RGS12: variants seen among roughly 807,000 people sequenced by gnomAD.
The protein encoded by RGS12 is regulator of G-protein signaling 12.
In RGS12, 66 loss-of-function variants were observed where a neutral mutation model predicts 120.1. The observed-to-expected ratio is 0.55, with a 90% CI of 0.45 to 0.67. The LOEUF is 0.67. RGS12 is among the 30% of genes least tolerant of loss of function. The pLI is 0.00. For missense variants in RGS12, 1,859 were observed against 1,957.7 expected (o/e 0.95, Z 0.95); for synonymous variants, 827 against 804.7 (o/e 1.03, Z -0.47).
At chr4:3,313,440 C>T (rs927065956) in intron 1 of RGS12, among the ~76,000 whole-genome samples, 3 of 152,212 alleles carry the variant, frequency 2.0e-5, no homozygotes, top group East Asian at 1.9e-4. Context: ...TTAGTGAGAC[C>T]GTTTCACGCA....
intron 3 of RGS12, among the ~76,000 whole-genome samples, chr4:3,344,534 C>G (rs1713611668): frequency 6.6e-6 from 1 of 152,238 alleles, no homozygotes; most frequent in Admixed American, 6.5e-5. Flanking sequence ...GCTGACAGAG[C>G]TGTGCTGGTG....
At chr4:3,424,666 C>T (rs1723418560) in intron 13 of RGS12, among the ~76,000 whole-genome samples, 1 of 152,220 alleles carries the variant, frequency 6.6e-6, no homozygotes, top group Non-Finnish European at 1.5e-5. Flanking sequence ...GAGCTGCGGC[C>T]CTCGGCTGCC....
At chr4:3,404,084 A>G (rs948599451) in intron 4 of RGS12, among the ~76,000 whole-genome samples, 3 of 152,204 alleles carry the variant, frequency 2.0e-5, no homozygotes, top group Non-Finnish European at 4.4e-5. Flanking sequence ...GGGTAGCGAG[A>G]TGGCATATAG....
intron 2 of RGS12, 54 bp from the exon 3 acceptor site, chr4:3,342,883 A>G (rs1471100761): frequency 2.5e-6 from 3 of 1,209,918 alleles, no homozygotes; most frequent in Non-Finnish European, 3.7e-6. Flanking sequence ...ATTGGACAAG[A>G]CTAAACATCT....
At chr4:3,395,080 C>G (rs1435075874) in intron 4 of RGS12, among the ~76,000 whole-genome samples, 1 of 152,018 alleles carries the variant, frequency 6.6e-6, no homozygotes, top group Non-Finnish European at 1.5e-5. Context: ...GTAATCCCAG[C>G]TACTAGGGTA....
In RGS12 at chr4:3,366,980, C is replaced by T. The variant is rs900399590; in HGVS notation, c.1999-19436C>T. On this transcript the variant is annotated intron_variant, in intron 3 of 17. Coordinates refer to ENST00000336727, the MANE Select transcript of RGS12 (RefSeq NM_001394154.1). The surrounding 1 kb of genome is among the most constrained non-coding windows in gnomAD (Gnocchi z 4.0). ...CTCAGCTCCTCCCCGCCCAGAATGC[C>T]CTCTGCCCCGCCACCCCCATCATCC... 5.9e-5 allele frequency among the ~76,000 whole-genome samples: 9 copies of T among 152,342 alleles called. No individual in the cohort carries two copies. The highest frequency in any genetic ancestry group is 5.9e-4 in the Admixed American group (9 of 15,308).
In RGS12 at chr4:3,374,386, C is replaced by G. The variant is rs944139004; in HGVS notation, c.1999-12030C>G. 6.6e-6 allele frequency among the ~76,000 whole-genome samples: 1 copy of G among 152,196 alleles called. No homozygotes were observed. The highest frequency in any genetic ancestry group is 2.1e-4 in the South Asian group (1 of 4,824). ...GGCGGGGACCGGTCTCCTTCCGCCA[C>G]CACCTTCCACGACAGGCTCGATTCG... On this transcript the variant is annotated intron_variant, in intron 3 of 17. Transcript: ENST00000336727. The surrounding 1 kb of genome is among the most constrained non-coding windows in gnomAD (Gnocchi z 6.3).
chr4:3,391,202 G>A (rs960039561), intron 4 of RGS12, among the ~76,000 whole-genome samples: 2 of 152,188 alleles, frequency 1.3e-5, no homozygotes, highest in African/African-American at 2.4e-5. Context: ...GAATCACACA[G>A]TGTATTTGTA....
intron 3 of RGS12, among the ~76,000 whole-genome samples, chr4:3,375,080 C>T (rs577188142): frequency 2.5e-4 from 38 of 152,278 alleles, no homozygotes; most frequent in Admixed American, 9.2e-4. Flanking sequence ...TGCCAGACAC[C>T]GCCAAGGGGG....
upstream of RGS12, among the ~76,000 whole-genome samples, chr4:3,292,838 G>C (rs957625449): frequency 1.3e-5 from 2 of 151,932 alleles, no homozygotes; most frequent in Non-Finnish European, 2.9e-5. Flanking sequence ...CTGCTTCCCT[G>C]GCAGTCCCGT....
chr4:3,304,677 G>A lies in RGS12; in HGVS notation c.-101-11393G>A, dbSNP rs546357170. Among the ~76,000 whole-genome samples the A allele has an allele frequency of 8.9e-4, 136 of 152,344 alleles. 1 individual carries two copies. Among genetic ancestry groups the A allele is most frequent in the Non-Finnish European group, 1.6e-3 (107 of 68,028 alleles). On this transcript the variant is annotated intron_variant, in intron 1 of 17. Coordinates refer to ENST00000336727, the MANE Select transcript of RGS12 (RefSeq NM_001394154.1). ...CCATTCTGTAGAGTTTGTCTCTGGT[G>A]TATCTGGTGTGATTTCCTTAATCAC... is the stretch of plus-strand genomic sequence containing the variant.
intron 13 of RGS12, 80 bp from the exon 14 acceptor site, chr4:3,425,384 T>G: frequency 8.0e-7 from 1 of 1,243,158 alleles, no homozygotes; most frequent in South Asian, 1.2e-5. Flanking sequence ...AGGACAGTCA[T>G]GCAGTCGGGT....
At position 3,415,966 on chromosome 4, in the gene RGS12, C is replaced by T. The variant is rs1361291048; in HGVS notation, c.2284-12C>T. 6.2e-7 allele frequency: 1 copy of T among 1,601,394 alleles called. No individual in the cohort carries two copies. The highest frequency in any genetic ancestry group is 8.5e-7 in the Non-Finnish European group (1 of 1,174,246). ...AAGCCTTGCCGGGCTGCTCAGGTGC[C>T]TTTCCTGTCAGCTTTCCTACAGGGC... On this transcript the variant is annotated splice_polypyrimidine_tract_variant and intron_variant, in intron 6 of 17. Transcript: ENST00000336727.
intron 3 of RGS12, among the ~76,000 whole-genome samples, chr4:3,379,345 A>T (rs1262012828): frequency 1.3e-5 from 2 of 152,128 alleles, no homozygotes; most frequent in African/African-American, 2.4e-5. Context: ...TTGCTAAGAG[A>T]GTAAATCTTA....
At chr4:3,303,436 A>G (rs1723793178) in intron 1 of RGS12, among the ~76,000 whole-genome samples, 1 of 152,218 alleles carries the variant, frequency 6.6e-6, no homozygotes, top group Non-Finnish European at 1.5e-5. Context: ...GCTGGAGGAC[A>G]CTGGAACCAG....
chr4:3,358,445 G>A (rs940937138), intron 3 of RGS12, among the ~76,000 whole-genome samples: 9 of 152,114 alleles, frequency 5.9e-5, no homozygotes, highest in Admixed American at 2.0e-4. Context: ...TTCTCCAATG[G>A]AGATGATGTT....
chr4:3,304,041 T>C (rs552962746), intron 1 of RGS12, among the ~76,000 whole-genome samples: 10 of 152,356 alleles, frequency 6.6e-5, no homozygotes, highest in Non-Finnish European at 1.0e-4. Context: ...GGGATCTTTC[T>C]GAGACTGACA....
In RGS12 at chr4:3,374,541, T is replaced by A. The variant is rs550625038; in HGVS notation, c.1999-11875T>A. ...ATCCAGGAGGCCCCTCAGACTTAAGTACCAAACAAGACTTGGATTCTCCCC... is the reference window on the plus strand; with the variant it reads ...ATCCAGGAGGCCCCTCAGACTTAAGAACCAAACAAGACTTGGATTCTCCCC... On this transcript the variant is annotated intron_variant, in intron 3 of 17. Transcript: ENST00000336727. This position sits in a 1 kb window ranked among gnomAD's most constrained non-coding sequence, Gnocchi z 6.3. Among the ~76,000 whole-genome samples the A allele has an allele frequency of 6.6e-6, 1 of 152,056 alleles. No individual in the cohort carries two copies. The highest frequency in any genetic ancestry group is 1.9e-4 in the East Asian group (1 of 5,158).
At chr4:3,326,531 C>T (rs182717847) in intron 2 of RGS12, among the ~76,000 whole-genome samples, 26 of 152,276 alleles carry the variant, frequency 1.7e-4, no homozygotes, top group Admixed American at 4.6e-4. Context: ...TGTGAGCCAC[C>T]GCCCCTGGCT....
Sources: gnomAD v4.1 joint callset for allele counts (sites outside exome capture counted in the v4.1 genomes callset) on GRCh38, gnomAD v4.1.1 for gene constraint, Gnocchi (gnomAD v3.1) non-coding constraint, MANE v1.5 for transcripts, NCBI Gene and HGNC (gene_info 2026-07-23, HGNC 2026-07-21) for gene names.